The following CADPS variants were observed in gnomAD, a reference collection of about 807,000 sequenced individuals.
The protein encoded by CADPS is calcium dependent secretion activator, also known as calcium-dependent secretion activator 1.
CADPS carries 57 observed loss-of-function variants against 167.3 expected under a neutral mutation model. That is an observed-to-expected ratio of 0.34 (90% CI 0.28 to 0.42). The LOEUF (loss-of-function observed/expected upper bound fraction) is 0.42. CADPS is among the 20% of genes least tolerant of loss of function. The pLI is 1.00. For missense variants in CADPS, 1,414 were observed against 1,738.1 expected (o/e 0.81, Z 3.32); for synonymous variants, 676 against 635.3 (o/e 1.06, Z -0.96).
chr3:62,447,075 A>G (rs2149984430), intron 26 of CADPS, among the ~76,000 whole-genome samples: 1 of 152,280 alleles, frequency 6.6e-6, no homozygotes, highest in East Asian at 1.9e-4. Context: ...AAAACAGCCA[A>G]TGAACCAATA....
chr3:62,570,239 A>AG (rs1313456882), intron 9 of CADPS, among the ~76,000 whole-genome samples: 1 of 10,092 alleles, frequency 9.9e-5, no homozygotes, highest in Non-Finnish European at 1.0e-3. Flanking sequence ...TGTTTCAGTT[A>AG]AAAAAAAAAA....
intron 1 of CADPS, among the ~76,000 whole-genome samples, chr3:62,816,664 C>T (rs2094630025): frequency 6.6e-6 from 1 of 151,704 alleles, no homozygotes; most frequent in South Asian, 2.1e-4. Flanking sequence ...ACTACCTTTG[C>T]AGGAACCTAC....
chr3:62,865,668 G>C (rs968578213), intron 1 of CADPS, among the ~76,000 whole-genome samples: 3 of 152,062 alleles, frequency 2.0e-5, no homozygotes, highest in African/African-American at 7.2e-5. Context: ...TCTTTGACTA[G>C]TGAAATGTAT....
intron 1 of CADPS, among the ~76,000 whole-genome samples, chr3:62,843,492 G>GGGGTGTGTGTGTGTGTGTGTGTGT (rs535022785): frequency 6.7e-6 from 1 of 149,016 alleles, no homozygotes; most frequent in Non-Finnish European, 1.5e-5. Flanking sequence ...TGGCAGTTGG[G>GGGGTGTGTGTGTGTGTGTGTGTGT]GTGTGTGTGT....
At chr3:62,707,474 A>T (rs1191670628) in intron 3 of CADPS, among the ~76,000 whole-genome samples, 24 of 152,160 alleles carry the variant, frequency 1.6e-4, no homozygotes, top group Admixed American at 1.6e-3. Context: ...AACACATAGT[A>T]AGTACTGAAT....
At chr3:62,686,789 T>C (rs1435559898) in intron 3 of CADPS, among the ~76,000 whole-genome samples, 3 of 152,106 alleles carry the variant, frequency 2.0e-5, no homozygotes, top group Non-Finnish European at 4.4e-5. Flanking sequence ...TAAAATGACC[T>C]TTTATTTAAC....
chr3:62,736,193 A>G (rs933287940), intron 3 of CADPS, among the ~76,000 whole-genome samples: 3 of 152,328 alleles, frequency 2.0e-5, no homozygotes, highest in Admixed American at 2.0e-4. Context: ...AAATAGGAAG[A>G]TGTTCTCCTT....
chr3:62,686,050 T>C (rs955271271), intron 3 of CADPS, among the ~76,000 whole-genome samples: 2 of 152,126 alleles, frequency 1.3e-5, no homozygotes, highest in African/African-American at 4.8e-5. Flanking sequence ...TACCTTGATC[T>C]GACCACCATA....
intron 3 of CADPS, among the ~76,000 whole-genome samples, chr3:62,750,649 C>T (rs1376005664): frequency 6.6e-6 from 1 of 152,146 alleles, no homozygotes; most frequent in Non-Finnish European, 1.5e-5. Context: ...ATAATCCTAT[C>T]CTTTAGAGAT....
At chr3:62,682,733 A>G (rs2077350701) in intron 3 of CADPS, among the ~76,000 whole-genome samples, 1 of 152,034 alleles carries the variant, frequency 6.6e-6, no homozygotes, top group Non-Finnish European at 1.5e-5. Context: ...TTTATTAAGC[A>G]TAGACTGCTC....
intron 6 of CADPS, among the ~76,000 whole-genome samples, chr3:62,595,874 A>AGAGACTGGCAGAGGAG (rs1342798787): frequency 3.3e-5 from 5 of 152,054 alleles, no homozygotes; most frequent in Non-Finnish European, 7.4e-5. Flanking sequence ...AGCAGGCAGA[A>AGAGACTGGCAGAGGAG]AAACGTGAAG....
chr3:62,499,448 C>A, intron 17 of CADPS, 180 bp from the exon 18 acceptor site: 1 of 465,270 alleles, frequency 2.1e-6, no homozygotes, highest in Non-Finnish European at 3.9e-6. Context: ...TTATTATCAC[C>A]ATTATTATAA....
intron 1 of CADPS, among the ~76,000 whole-genome samples, chr3:62,852,310 G>C (rs530666634): frequency 1.3e-5 from 2 of 152,030 alleles, no homozygotes; most frequent in African/African-American, 4.8e-5. Context: ...TTGTTCCGTT[G>C]CTGGTGAGGA....
intron 6 of CADPS, among the ~76,000 whole-genome samples, chr3:62,616,401 G>A (rs569062815): frequency 3.9e-5 from 6 of 151,950 alleles, no homozygotes; most frequent in Non-Finnish European, 8.8e-5. Context: ...ACAAAGTTAC[G>A]TTCCTGGGAA....
In CADPS at chr3:62,781,151, A is replaced by C. The variant is rs192779852; in HGVS notation, c.442-15167T>G. 3.1e-3 allele frequency among the ~76,000 whole-genome samples: 472 copies of C among 152,278 alleles called. 2 individuals are homozygous for C. The highest frequency in any genetic ancestry group is 6.8e-3 in the Middle Eastern group (2 of 294). On this transcript the variant is annotated intron_variant, in intron 1 of 29. Coordinates refer to ENST00000383710, the MANE Select transcript of CADPS (RefSeq NM_003716.4). The stretch of plus-strand genomic sequence containing the variant: ...GTTTTTCTGGGGTAAGAGGACACGT[A>C]CTGCTATATTCACATAAAACATAAC...
rs908039422 is a variant in CADPS, at chr3:62,478,014, C to G, written c.3329+247G>C. ...GATACAAAAAAGAATGGACAGGGAT[C>G]TTTTCCTCTTAAAGCCAACAACCAT... On this transcript the variant is annotated intron_variant, in intron 23 of 29. Transcript: ENST00000383710. This position sits in a 1 kb window ranked among gnomAD's most constrained non-coding sequence, Gnocchi z 5.7. 2.1e-6 allele frequency: 1 copy of G among 465,934 alleles called. No homozygotes were observed. The highest frequency in any genetic ancestry group is 3.9e-6 in the Non-Finnish European group (1 of 258,768). 28.9% of individuals were successfully genotyped at this position (465,934 alleles called of 1,614,324 possible).
At chr3:62,728,079 T>A (rs772307353) in intron 3 of CADPS, among the ~76,000 whole-genome samples, 2 of 151,810 alleles carry the variant, frequency 1.3e-5, no homozygotes, top group African/African-American at 4.9e-5. Flanking sequence ...GTGGGGAAAT[T>A]GAGGCTTATC....
chr3:62,762,643 G>T (rs1037427771), intron 2 of CADPS, among the ~76,000 whole-genome samples: 2 of 141,370 alleles, frequency 1.4e-5, no homozygotes, highest in African/African-American at 5.4e-5. Context: ...GTAACAGAAA[G>T]GAAACCCGGA....
chr3:62,782,862 C>T (rs777782034), intron 1 of CADPS, among the ~76,000 whole-genome samples: 11 of 150,694 alleles, frequency 7.3e-5, no homozygotes, highest in Admixed American at 5.3e-4. Context: ...TGGGTTCAAA[C>T]GATTCTCCTA....
Sources: allele counts gnomAD v4.1 joint callset (sites outside exome capture counted in the v4.1 genomes callset), GRCh38; gene constraint gnomAD v4.1.1; non-coding constraint Gnocchi (gnomAD v3.1); transcripts MANE v1.5; gene names NCBI Gene and HGNC (gene_info 2026-07-23, HGNC 2026-07-21).